ATRX: variants seen among roughly 807,000 people sequenced by gnomAD.
ATRX encodes ATRX chromatin remodeler, also known as chromatin remodeler ATRX.
A neutral mutation model predicts 172.6 loss-of-function variants in ATRX; 12 were observed. The observed-to-expected ratio is 0.07, with a 90% confidence interval of 0.04 to 0.11. The LOEUF is 0.11. ATRX is among the 10% of genes least tolerant of loss of function. The pLI, the probability that ATRX is intolerant of heterozygous loss-of-function variation, is 1.00. For missense variants in ATRX, 1,368 were observed against 1,767.4 expected, an observed-to-expected ratio of 0.77 and a Z score of 4.05; for synonymous variants, 674 against 594.7, an observed-to-expected ratio of 1.13 and a Z score of -1.94.
chrX:77,618,418 C>A (rs1270919817), intron 21 of ATRX, among the ~76,000 whole-genome samples: 1 of 111,756 alleles, frequency 8.9e-6, no homozygotes, highest in East Asian at 2.8e-4. Flanking sequence ...TCATACTGGC[C>A]TCTCCTATAA....
chrX:77,559,147 G>T (rs1255273637), intron 28 of ATRX, among the ~76,000 whole-genome samples: 1 of 110,867 alleles, frequency 9.0e-6, no homozygotes, highest in Non-Finnish European at 1.9e-5. Flanking sequence ...TAAATTTAGA[G>T]AATTTATATG....
At chrX:77,549,980 GAAATGAAATA>G (rs1333783971) in intron 30 of ATRX, among the ~76,000 whole-genome samples, 4 of 111,327 alleles carry the variant, frequency 3.6e-5, no homozygotes, top group African/African-American at 1.3e-4. Flanking sequence ...GAAATGAAAT[GAAATGAAATA>G]AAATAAAATA....
intron 7 of ATRX, among the ~76,000 whole-genome samples, 187 bp from the exon 8 acceptor site, chrX:77,685,193 C>T (rs1332339189): frequency 2.7e-5 from 3 of 111,877 alleles, no homozygotes; most frequent in Non-Finnish European, 5.6e-5. Flanking sequence ...CAAATGAGAT[C>T]ACATCAAGTT....
chrX:77,639,986 G>A (rs1257504754), intron 15 of ATRX, among the ~76,000 whole-genome samples: 19 of 112,120 alleles, frequency 1.7e-4, no homozygotes, highest in Admixed American at 9.4e-5. Flanking sequence ...TATACACCAC[G>A]GAATACTATG....
In ATRX at chrX:77,593,787, T is replaced by C. The variant is rs1013530108; in HGVS notation, c.6019A>G (p.Thr2007Ala). The part of the protein sequence containing the change: ...PAPDWYKDFV[T>A]DADAEVLEHS... ...TCTAAAACCTCAGCATCAGCATCTGTAACAAAATCTTTGTACCAGTCTGGA... is the reference window on the plus strand; with the variant it reads ...TCTAAAACCTCAGCATCAGCATCTGCAACAAAATCTTTGTACCAGTCTGGA... Residue 2007 changes from threonine (T) to alanine (A), a missense_variant, in exon 26 of 35, where the codon ACA becomes GCA. By Grantham distance (58) the Thr-to-Ala change is moderately conservative. Coordinates refer to ENST00000373344, the MANE Select transcript of ATRX (RefSeq NM_000489.6). 2 of 1,210,225 alleles carry C rather than the reference T, an allele frequency of 1.7e-6. No individual in the cohort carries two copies. The highest frequency in any genetic ancestry group is 2.2e-6 in the Non-Finnish European group (2 of 894,169).
intron 12 of ATRX, among the ~76,000 whole-genome samples, chrX:77,660,912 T>C (rs2069854699): frequency 8.9e-6 from 1 of 112,032 alleles, no homozygotes; most frequent in Admixed American, 9.5e-5. Context: ...TTCCCTTTCA[T>C]ACCAATTAAG....
intron 27 of ATRX, among the ~76,000 whole-genome samples, chrX:77,585,583 C>CAAAAAAAAAAAAAAAAAAAAAAAA (rs781792876): frequency 1.2e-4 from 1 of 8,553 alleles, no homozygotes; most frequent in African/African-American, 3.7e-4. Context: ...CTCCCCCCAC[C>CAAAAAAAAAAAAAAAAAAAAAAAA]AAAAAAAAAA....
Position 77,682,436 on chromosome X carries a change from A to G in ATRX, c.2820T>C (p.Ala940=), listed in dbSNP as rs782261448. Residue 940 remains alanine, a synonymous_variant, in exon 9 of 35, where the codon GCT becomes GCC. Coordinates refer to ENST00000373344, the MANE Select transcript of ATRX (RefSeq NM_000489.6). The part of the protein sequence containing the change: ...SFTSLEVRKV[A]ETKEKSKHLK... ...GATGCTTGCTCTTTTCTTTAGTTTC[A>G]GCAACTTTTCTAACTTCCAAAGAAG... 8.3e-7 allele frequency: 1 copy of G among 1,211,238 alleles called. No individual in the cohort carries two copies. The highest frequency in any genetic ancestry group is 1.7e-5 in the African/African-American group (1 of 57,683).
intron 28 of ATRX, chrX:77,561,827 A>C (rs2065029666): frequency 9.0e-6 from 1 of 111,422 alleles, no homozygotes; most frequent in Non-Finnish European, 1.9e-5. Context: ...ACAACAATAC[A>C]TTGTCAAAAC....
intron 10 of ATRX, among the ~76,000 whole-genome samples, chrX:77,671,061 T>C (rs2070542849): frequency 1.0e-5 from 1 of 95,949 alleles, no homozygotes; most frequent in African/African-American, 3.8e-5. Flanking sequence ...GGCAGGAGAA[T>C]TGCTTGAAAC....
At chrX:77,672,177 C>T (rs1387157500) in intron 10 of ATRX, among the ~76,000 whole-genome samples, 3 of 109,656 alleles carry the variant, frequency 2.7e-5, no homozygotes, top group Non-Finnish European at 5.7e-5. Flanking sequence ...TTTTCAAGTA[C>T]AATAAAGGAG....
intron 1 of ATRX, among the ~76,000 whole-genome samples, chrX:77,778,914 T>C (rs1410080518): frequency 2.8e-5 from 3 of 108,913 alleles, no homozygotes; most frequent in African/African-American, 1.0e-4. Context: ...AAGGACTAGA[T>C]TCAAATGCTA....
At position 77,652,329 on chromosome X, in the gene ATRX, C is replaced by T. The variant is rs2148440180; in HGVS notation, c.4342G>A (p.Glu1448Lys). Residue 1448 changes from glutamate to lysine, a missense_variant, in exon 15 of 35, where the codon GAA becomes AAA. Physicochemically the swap from Glu to Lys is moderately conservative, Grantham distance 56 (BLOSUM62 1). This residue lies in a region of ATRX where 119 missense variants were observed against 131.3 expected (regional missense o/e 0.91). Transcript: ENST00000373344. ...NKSNSEEEEE[E>K]KEEEEEEEEE... ...TCCTCTTCCTCCTCCTCTTCTTTTT[C>T]CTCCTCTTCTTCCTCAGAATTACTC... The T allele has an allele frequency of 8.3e-7, 1 of 1,206,090 alleles. No homozygotes were observed. Among genetic ancestry groups the T allele is most frequent in the Non-Finnish European group, 1.1e-6 (1 of 892,881 alleles).
intron 1 of ATRX, among the ~76,000 whole-genome samples, chrX:77,731,488 A>C (rs1472716476): frequency 8.9e-6 from 1 of 111,937 alleles, no homozygotes; most frequent in African/African-American, 3.2e-5. Flanking sequence ...CCCCACGTTC[A>C]AGCCAAAAAG....
At chrX:77,527,361 C>T (rs2063415846) in intron 30 of ATRX, among the ~76,000 whole-genome samples, 2 of 111,998 alleles carry the variant, frequency 1.8e-5, no homozygotes, top group Admixed American at 1.9e-4. Flanking sequence ...AGAAGGGCTA[C>T]GGCCCATCCA....
intron 1 of ATRX, among the ~76,000 whole-genome samples, chrX:77,723,022 C>T (rs1296308194): frequency 7.2e-5 from 8 of 111,737 alleles, no homozygotes; most frequent in East Asian, 2.8e-4. Context: ...AAAAAGGATG[C>T]GTTTATGTCC....
intron 12 of ATRX, among the ~76,000 whole-genome samples, chrX:77,657,025 A>C (rs782424688): frequency 8.9e-6 from 1 of 111,869 alleles, no homozygotes; most frequent in African/African-American, 3.2e-5. Context: ...AGATGGAGTA[A>C]GATTACAGAT....
At chrX:77,520,126 A>G (rs1181650836) in intron 34 of ATRX, among the ~76,000 whole-genome samples, 3 of 111,819 alleles carry the variant, frequency 2.7e-5, no homozygotes, top group African/African-American at 9.7e-5. Flanking sequence ...ACTCATGATG[A>G]TAAGAGAGTA....
chrX:77,698,656 AT>A (rs2072326338), intron 2 of ATRX, 27 bp from the exon 3 acceptor site: 1 of 1,136,796 alleles, frequency 8.8e-7, no homozygotes, highest in Non-Finnish European at 1.2e-6. Flanking sequence ...AAAGAACATT[AT>A]TTATCTCTTC....
Sources: gnomAD v4.1 joint callset for allele counts (sites outside exome capture counted in the v4.1 genomes callset) on GRCh38, gnomAD v4.1.1 for gene constraint, gnomAD v4.1.1 regional missense constraint, MANE v1.5 for transcripts, NCBI Gene and HGNC (gene_info 2026-07-23, HGNC 2026-07-21) for gene names.